RSPH1: variants seen among roughly 807,000 people sequenced by gnomAD.
RSPH1 encodes the protein radial spoke head component 1.
In RSPH1, 32 loss-of-function variants were observed where a neutral mutation model predicts 44.2. The observed-to-expected ratio is 0.72, with a 90% confidence interval of 0.55 to 0.97. The LOEUF (loss-of-function observed/expected upper bound fraction) is 0.97, where lower values mean the gene tolerates loss of function less well. RSPH1 is among the 50% of genes least tolerant of loss of function. The pLI is 0.00. For synonymous variants in RSPH1, 134 were observed against 147.3 expected (o/e 0.91, Z 0.65); for missense variants, 391 against 398.7 (o/e 0.98, Z 0.16).
rs756776380 is a variant in RSPH1, at chr21:42,485,717, C to T, written c.453G>A (p.Glu151=). The change falls in exon 5 of 9, where the codon GAG becomes GAA. Residue 151 remains glutamate (E), a synonymous_variant. Coordinates refer to ENST00000291536, the MANE Select transcript of RSPH1 (RefSeq NM_080860.4). ...WVNGQQEGTA[E]LIHLNHRYQG... is the part of the protein sequence containing the mutation. ...GGTACCTGTGGTTCAGGTGAATGAG[C>T]TCGGCCGTGCCCTCCTGCTGTCCGT... The T allele has an allele frequency of 1.9e-6, 3 of 1,614,112 alleles. No homozygotes were observed. Among genetic ancestry groups the T allele is most frequent in the African/African-American group, 1.3e-5 (1 of 74,920 alleles).
At chr21:42,485,392 C>A in intron 5 of RSPH1, 1 of 456,482 alleles carries the variant, frequency 2.2e-6, no homozygotes, top group Non-Finnish European at 4.0e-6. Flanking sequence ...CAGATGCCCT[C>A]TCGTGTTATA....
chr21:42,494,002 C>T (rs2054262140), intron 1 of RSPH1, among the ~76,000 whole-genome samples: 3 of 152,184 alleles, frequency 2.0e-5, no homozygotes. Flanking sequence ...TCCTTGGCCT[C>T]CCAAAGTGCT....
At chr21:42,480,345 A>G (rs2054112847) in intron 6 of RSPH1, among the ~76,000 whole-genome samples, 1 of 152,224 alleles carries the variant, frequency 6.6e-6, no homozygotes, top group African/African-American at 2.4e-5. Flanking sequence ...AGAAAAGTTA[A>G]AAAACTGTCT....
chr21:42,495,223 T>A (rs1459193970), intron 1 of RSPH1, among the ~76,000 whole-genome samples: 1 of 152,226 alleles, frequency 6.6e-6, no homozygotes, highest in East Asian at 1.9e-4. Context: ...CTTCTGGCTC[T>A]CCATACTGGG....
intron 8 of RSPH1, among the ~76,000 whole-genome samples, chr21:42,475,663 C>T (rs2054039206): frequency 7.0e-6 from 1 of 142,850 alleles, no homozygotes; most frequent in Non-Finnish European, 1.5e-5. Context: ...TGACAACGCG[C>T]ATGGGCACCG....
intron 3 of RSPH1, among the ~76,000 whole-genome samples, chr21:42,489,294 T>C (rs1318693146): frequency 6.6e-6 from 1 of 152,116 alleles, no homozygotes; most frequent in East Asian, 1.9e-4. Flanking sequence ...GTTGGTTGGC[T>C]GGTTGGCTAA....
chr21:42,481,422 T>C (rs1488343038), intron 6 of RSPH1, among the ~76,000 whole-genome samples: 2 of 152,056 alleles, frequency 1.3e-5, no homozygotes, highest in East Asian at 1.9e-4. Flanking sequence ...AATTCCTTTA[T>C]AGCAGCACAA....
At chr21:42,495,423 G>A (rs2054278095) in intron 1 of RSPH1, among the ~76,000 whole-genome samples, 2 of 152,198 alleles carry the variant, frequency 1.3e-5, no homozygotes, top group South Asian at 4.1e-4. Flanking sequence ...AGTGGCTGAG[G>A]TTCCCTATCT....
intron 3 of RSPH1, among the ~76,000 whole-genome samples, chr21:42,488,730 T>C (rs573182291): frequency 6.6e-6 from 1 of 152,192 alleles, no homozygotes; most frequent in Non-Finnish European, 1.5e-5. Flanking sequence ...CATTTTGTAA[T>C]GCCACCACAG....
chr21:42,479,126 G>A lies in RSPH1; in HGVS notation c.574-1682C>T, dbSNP rs145670196. 1.4e-4 allele frequency among the ~76,000 whole-genome samples: 22 copies of A among 152,220 alleles called. No individual in the cohort carries two copies. The East Asian group carries it at 2.7e-3, about 19-fold the overall frequency. On this transcript the variant is annotated intron_variant, in intron 6 of 8. Transcript: ENST00000291536. ...ATGGCAAATTTCAAACTCTATAAAC[G>A]TACATATAAAACCATAATTTAAAAA...
At position 42,486,477 on chromosome 21, in the gene RSPH1, C is replaced by A; in HGVS notation, c.275-16G>T. The A allele has an allele frequency of 6.3e-7, 1 of 1,591,870 alleles. No individual in the cohort carries two copies. Among genetic ancestry groups the A allele is most frequent in the Non-Finnish European group, 8.6e-7 (1 of 1,159,664 alleles). On this transcript the variant is annotated splice_polypyrimidine_tract_variant and intron_variant, in intron 3 of 8. Transcript: ENST00000291536. ...GCCCACTCTCCTGAAAGGAACAACA[C>A]AAAGGCAAGCCCAGGTGAGAAGAAG...
At chr21:42,475,772 C>T in intron 8 of RSPH1, 126 bp downstream of exon 8, 2 of 1,069,128 alleles carry the variant, frequency 1.9e-6, no homozygotes, top group Non-Finnish European at 2.6e-6. Context: ...ACAGGGGGCC[C>T]CCTAAGCCTT....
At chr21:42,491,288 G>A (rs1187257877) in intron 3 of RSPH1, among the ~76,000 whole-genome samples, 1 of 152,142 alleles carries the variant, frequency 6.6e-6, no homozygotes, top group Non-Finnish European at 1.5e-5. Context: ...TGCTAACTCT[G>A]GGTGGTGTCA....
intron 3 of RSPH1, among the ~76,000 whole-genome samples, chr21:42,490,272 T>C (rs1458153578): frequency 6.6e-6 from 1 of 152,232 alleles, no homozygotes; most frequent in Non-Finnish European, 1.5e-5. Flanking sequence ...TGTGTGACCA[T>C]CTGGGAGACA....
At chr21:42,479,057 C>T (rs1172138446) in intron 6 of RSPH1, among the ~76,000 whole-genome samples, 1 of 152,178 alleles carries the variant, frequency 6.6e-6, no homozygotes, top group Non-Finnish European at 1.5e-5. Flanking sequence ...CTCACAGCTG[C>T]ACAACACTGA....
chr21:42,479,336 G>T (rs759890193), intron 6 of RSPH1, among the ~76,000 whole-genome samples: 3 of 152,094 alleles, frequency 2.0e-5, no homozygotes, highest in Non-Finnish European at 4.4e-5. Flanking sequence ...TTCATGGGTG[G>T]TTTTTCCTAA....
In RSPH1 at chr21:42,493,025, G is replaced by A. The variant is rs142034904; in HGVS notation, c.109C>T (p.Arg37Trp). ...TCGTAGGTGTCCCCGTTGGGTAGCCGTGCCCTCCCACGTCCGTGCCTTTCG... is the reference window on the plus strand; with the variant it reads ...TCGTAGGTGTCCCCGTTGGGTAGCCATGCCCTCCCACGTCCGTGCCTTTCG... Reference protein sequence around the residue: ...AGERHGRGRARLPNGDTYEGS... With the variant: ...AGERHGRGRAWLPNGDTYEGS... Residue 37 changes from arginine to tryptophan, a missense_variant, in exon 2 of 9, where the codon CGG (arginine) becomes TGG (tryptophan). Coordinates refer to ENST00000291536, the MANE Select transcript of RSPH1 (RefSeq NM_080860.4). 5.1e-5 allele frequency: 83 copies of A among 1,614,006 alleles called. No individual in the cohort carries two copies. Among genetic ancestry groups the A allele is most frequent in the South Asian group, 4.9e-4 (45 of 91,084 alleles).
In RSPH1 at chr21:42,492,973, T is replaced by C. The variant is rs1299726663; in HGVS notation, c.161A>G (p.His54Arg). ...CAAGTCAACGGTTCTGACCTGGCCA[T>C]GTCTTTTACCGAATTCGTAGCTCCC... is the stretch of plus-strand genomic sequence containing the variant. ...YEGSYEFGKR[H>R]GQGIYKFKNG... Residue 54 changes from histidine (H) to arginine (R), a missense_variant, in exon 2 of 9, where the codon CAT becomes CGT. By Grantham distance (29) the His-to-Arg change is conservative. Transcript: ENST00000291536. 3 of 1,614,042 alleles carry C rather than the reference T, an allele frequency of 1.9e-6. No individual in the cohort carries two copies. Among genetic ancestry groups the C allele is most frequent in the Non-Finnish European group, 2.5e-6 (3 of 1,179,892 alleles).
chr21:42,486,086 C>T, intron 4 of RSPH1: 1 of 575,470 alleles, frequency 1.7e-6, no homozygotes, highest in South Asian at 2.1e-5. Flanking sequence ...GGAGCTGTGG[C>T]TCAGGTCCCC....
Sources: gnomAD v4.1 joint callset for allele counts (sites outside exome capture counted in the v4.1 genomes callset) on GRCh38, gnomAD v4.1.1 for gene constraint, MANE v1.5 for transcripts, NCBI Gene and HGNC (gene_info 2026-07-23, HGNC 2026-07-21) for gene names.